The following TSNAX variants were observed in gnomAD, a reference collection of about 807,000 sequenced individuals.
TSNAX encodes translin associated factor X.
In TSNAX, 12 loss-of-function variants were observed where a neutral mutation model predicts 33.0. The ratio of observed to expected loss-of-function variants is 0.36; its 90% CI spans 0.23 to 0.59. TSNAX has a LOEUF of 0.59. Among genes scored for constraint, TSNAX ranks in the 20% least tolerant of loss-of-function variants. TSNAX has a pLI of 0.74. For synonymous variants in TSNAX, 110 were observed against 117.2 expected, an observed-to-expected ratio of 0.94 and a Z score of 0.40; for missense variants, 267 against 341.3, an observed-to-expected ratio of 0.78 and a Z score of 1.72.
Position 231,537,281 on chromosome 1 carries a change from A to T in TSNAX, c.190A>T (p.Thr64Ser). ...ACTTGTGAAACTTAGTCGGGATATA[A>T]CTGTTGAAAGTAAAAGGACAATTTT... ...ERLVKLSRDI[T>S]VESKRTIFLL... Residue 64 changes from threonine to serine, a missense_variant, in exon 3 of 6, where the codon ACT becomes TCT. Physicochemically the swap from Thr to Ser is moderately conservative, Grantham distance 58. Around this residue, in one of 2 missense-constraint regions of TSNAX, gnomAD observed 200 missense variants for 214.1 expected, o/e 0.93. Coordinates refer to ENST00000366639, the MANE Select transcript of TSNAX (RefSeq NM_005999.3). 4 of 1,613,740 alleles carry T rather than the reference A, an allele frequency of 2.5e-6. No homozygotes were observed. Among genetic ancestry groups the T allele is most frequent in the Non-Finnish European group, 3.4e-6 (4 of 1,179,878 alleles).
rs1661399863 is a variant in TSNAX at position 231,565,901 on chromosome 1, A to C, written c.*996A>C. ...TTTTTTGTTTTTTTTTAATCACAGT[A>C]GGTCTGATAGAGAATTGGAGCTAAA... On this transcript the variant is annotated 3_prime_UTR_variant, in exon 6 of 6. Coordinates refer to ENST00000366639, the MANE Select transcript of TSNAX (RefSeq NM_005999.3). 1 of 151,958 alleles carries C rather than the reference A, an allele frequency of 6.6e-6. No individual in the cohort carries two copies. Among genetic ancestry groups the C allele is most frequent in the South Asian group, 2.1e-4 (1 of 4,824 alleles). 9.4% of individuals were successfully genotyped at this position (151,958 alleles called of 1,614,324 possible). A position where few individuals can be genotyped will look rare whatever the true frequency, so the allele number is the denominator to read the frequency against.
At chr1:231,552,502 C>T (rs759323779) in intron 4 of TSNAX, among the ~76,000 whole-genome samples, 5 of 152,094 alleles carry the variant, frequency 3.3e-5, no homozygotes, top group African/African-American at 4.8e-5. Context: ...TTCATTTTAA[C>T]ATTTCAGTGA....
rs1401427754 is a variant in TSNAX, at chr1:231,566,070, T to A, written c.*1165T>A. 2 of 152,338 alleles carry A rather than the reference T, an allele frequency of 1.3e-5. No homozygotes were observed. The highest frequency in any genetic ancestry group is 4.8e-5 in the African/African-American group (2 of 41,460). 9.4% of individuals were successfully genotyped at this position (152,338 alleles called of 1,614,324 possible). The stretch of plus-strand genomic sequence containing the variant: ...CCTATTCTAGCATTTAAATTTAAAT[T>A]TTATTAAAATTAAATAATTTAAATC... On this transcript the variant is annotated 3_prime_UTR_variant, in exon 6 of 6. Transcript: ENST00000366639.
chr1:231,561,907 ATAAAG>A (rs1257083251), intron 5 of TSNAX, among the ~76,000 whole-genome samples: 2 of 152,244 alleles, frequency 1.3e-5, no homozygotes, highest in Admixed American at 6.5e-5. Flanking sequence ...GTTTGCCATT[ATAAAG>A]TAGTTTTTAT....
At chr1:231,543,851 TTAA>T (rs1374386011) in intron 4 of TSNAX, among the ~76,000 whole-genome samples, 2 of 152,196 alleles carry the variant, frequency 1.3e-5, no homozygotes, top group Admixed American at 1.3e-4. Flanking sequence ...ATTTGATTTC[TTAA>T]TAATAGCACA....
intron 2 of TSNAX, 200 bp from the exon 3 acceptor site, chr1:231,537,013 A>G (rs1467215023): frequency 6.0e-6 from 2 of 333,598 alleles, no homozygotes; most frequent in East Asian, 5.3e-5. Context: ...TTTTATTTTT[A>G]GTAGAGACGG....
intron 5 of TSNAX, 29 bp downstream of exon 5, chr1:231,561,284 G>C: frequency 7.0e-7 from 1 of 1,437,338 alleles, no homozygotes; most frequent in Non-Finnish European, 9.6e-7. Context: ...TTTCACATTT[G>C]TTATATAATT....
At chr1:231,537,382 C>A in intron 3 of TSNAX, 55 bp downstream of exon 3, 1 of 1,194,106 alleles carries the variant, frequency 8.4e-7, no homozygotes, top group Non-Finnish European at 1.2e-6. Context: ...TTAGAATATT[C>A]TGTGACTTTG....
chr1:231,556,234 T>G (rs1660685037), intron 4 of TSNAX, among the ~76,000 whole-genome samples: 1 of 152,208 alleles, frequency 6.6e-6, no homozygotes, highest in African/African-American at 2.4e-5. Context: ...TAATTTGTAA[T>G]TAGTAAAATC....
chr1:231,541,985 A>T (rs571789654), intron 3 of TSNAX, among the ~76,000 whole-genome samples: 1 of 152,054 alleles, frequency 6.6e-6, no homozygotes, highest in African/African-American at 2.4e-5. Flanking sequence ...ACTCAGGCTG[A>T]CTCCCAGGCT....
intron 4 of TSNAX, among the ~76,000 whole-genome samples, chr1:231,560,873 T>C (rs941869345): frequency 6.6e-6 from 1 of 152,264 alleles, no homozygotes; most frequent in African/African-American, 2.4e-5. Flanking sequence ...TTGGCCAGGC[T>C]GGTCTCCATC....
At chr1:231,554,895 A>G (rs144505618) in intron 4 of TSNAX, among the ~76,000 whole-genome samples, 135 of 152,362 alleles carry the variant, frequency 8.9e-4, no homozygotes, top group African/African-American at 3.0e-3. Flanking sequence ...TAACTTCTCT[A>G]TGCCTCAATT....
chr1:231,562,110 C>G (rs1433882837), intron 5 of TSNAX, among the ~76,000 whole-genome samples: 1 of 150,050 alleles, frequency 6.7e-6, no homozygotes, highest in Non-Finnish European at 1.5e-5. Flanking sequence ...TCTGAGATAC[C>G]AGTACACTTA....
At chr1:231,540,375 T>C (rs917104193) in intron 3 of TSNAX, among the ~76,000 whole-genome samples, 7 of 152,172 alleles carry the variant, frequency 4.6e-5, no homozygotes, top group African/African-American at 1.7e-4. Context: ...AATTTATTGG[T>C]GCTAATTTTC....
intron 4 of TSNAX, among the ~76,000 whole-genome samples, chr1:231,556,555 G>A (rs1008865749): frequency 4.6e-5 from 7 of 152,210 alleles, no homozygotes; most frequent in Admixed American, 4.6e-4. Flanking sequence ...GTTACATTGG[G>A]CGAGATGGAG....
chr1:231,534,545 T>C (rs1659030622), intron 2 of TSNAX: 3 of 152,342 alleles, frequency 2.0e-5, no homozygotes, highest in Admixed American at 2.0e-4. Context: ...ATATTACTAT[T>C]ATGAGTAATT....
chr1:231,529,658 A>G (rs919828308), intron 2 of TSNAX, among the ~76,000 whole-genome samples: 1 of 152,220 alleles, frequency 6.6e-6, no homozygotes, highest in Admixed American at 6.5e-5. Flanking sequence ...CTCATCTGTT[A>G]TATGCTAAAA....
At chr1:231,532,738 G>C (rs2124878566) in intron 2 of TSNAX, among the ~76,000 whole-genome samples, 1 of 152,156 alleles carries the variant, frequency 6.6e-6, no homozygotes, top group Middle Eastern at 3.4e-3. Flanking sequence ...TTCCCATTGT[G>C]AGACTAAGTA....
chr1:231,563,652 A>ATTTTTTTTTTTTTTTTT, intron 5 of TSNAX: 1 of 133,786 alleles, frequency 7.5e-6, no homozygotes, highest in African/African-American at 2.7e-5. Flanking sequence ...GTGGATATAA[A>ATTTTTTTTTTTTTTTTT]TTTTTTTTTT....
Sources: gnomAD v4.1 joint callset for allele counts (sites outside exome capture counted in the v4.1 genomes callset) on GRCh38, gnomAD v4.1.1 for gene constraint, gnomAD v4.1.1 regional missense constraint, MANE v1.5 for transcripts, NCBI Gene and HGNC (gene_info 2026-07-23, HGNC 2026-07-21) for gene names.